TRIM29: variants seen among roughly 807,000 people sequenced by gnomAD.
TRIM29 encodes tripartite motif containing 29.
In TRIM29, 52 loss-of-function variants were observed where a neutral mutation model predicts 57.3. The ratio of observed to expected loss-of-function variants is 0.91; its 90% CI spans 0.73 to 1.14. TRIM29 has a LOEUF of 1.14. Among genes scored for constraint, TRIM29 ranks in the 50% most tolerant of loss-of-function variants. The pLI is 0.00. For missense variants in TRIM29, 753 were observed against 774.6 expected, an observed-to-expected ratio of 0.97 and a Z score of 0.33; for synonymous variants, 319 against 316.9, an observed-to-expected ratio of 1.01 and a Z score of -0.07.
At chr11:120,132,369 G>C (rs1207927454) in intron 1 of TRIM29, among the ~76,000 whole-genome samples, 1 of 151,970 alleles carries the variant, frequency 6.6e-6, no homozygotes, top group African/African-American at 2.4e-5. Flanking sequence ...CCTCCCTCCT[G>C]ACTTCCTACT....
At chr11:120,127,697 C>G in intron 2 of TRIM29, 128 bp from the exon 3 acceptor site, 1 of 804,008 alleles carries the variant, frequency 1.2e-6, no homozygotes, top group South Asian at 1.9e-5. Context: ...ACCTGGCAAG[C>G]CTATTTGGCC....
intron 7 of TRIM29, chr11:120,116,912 C>A: frequency 2.7e-6 from 1 of 367,492 alleles, no homozygotes; most frequent in South Asian, 2.1e-5. Context: ...GTCCCACCTG[C>A]CCCGCTGTGG....
At chr11:120,115,733 A>C in intron 7 of TRIM29, 1 of 293,172 alleles carries the variant, frequency 3.4e-6, no homozygotes, top group Non-Finnish European at 6.4e-6. Flanking sequence ...CCACTCACCC[A>C]CCCCGGAGGT....
intron 7 of TRIM29, chr11:120,115,854 A>G (rs2134982791): frequency 1.1e-5 from 2 of 179,488 alleles, no homozygotes; most frequent in South Asian, 2.3e-4. Flanking sequence ...TGCTGTTTGG[A>G]CGATGCTTCC....
Position 120,123,043 on chromosome 11 carries a change from C to A in TRIM29, c.1346G>T (p.Arg449Leu), listed in dbSNP as rs1324227263. 6.2e-7 allele frequency: 1 copy of A among 1,614,058 alleles called. No individual in the cohort carries two copies. The highest frequency in any genetic ancestry group is 8.5e-7 in the Non-Finnish European group (1 of 1,179,976). ...RNHMENGGDHRYVNNYTNSFG... is the reference protein window; with the variant it reads ...RNHMENGGDHLYVNNYTNSFG... ...GCTGTTCGTGTAGTTGTTCACATAG[C>A]GATGGTCACCACCTAGGAAGCAGAG... Residue 449 changes from arginine to leucine, a missense_variant, in exon 5 of 9, where the codon CGC becomes CTC. Arg to Leu is a moderately radical substitution (Grantham distance 102). Transcript: ENST00000341846.
intron 8 of TRIM29, 78 bp from the exon 9 acceptor site, chr11:120,112,554 G>T: frequency 1.3e-6 from 2 of 1,490,188 alleles, no homozygotes; most frequent in Non-Finnish European, 1.9e-6. Flanking sequence ...ACCCTAACCT[G>T]CCTCAGGAGG....
In TRIM29 at chr11:120,137,339, C is replaced by T. The variant is rs774273938; in HGVS notation, c.693G>A (p.Thr231=). The T allele has an allele frequency of 2.5e-6, 4 of 1,613,950 alleles. No individual in the cohort carries two copies. Among genetic ancestry groups the T allele is most frequent in the African/African-American group, 1.3e-5 (1 of 74,918 alleles). Residue 231 remains threonine (T), a synonymous_variant, in exon 1 of 9, where the codon ACG becomes ACA. Coordinates refer to ENST00000341846, the MANE Select transcript of TRIM29 (RefSeq NM_012101.4). This position sits in a 1 kb window ranked among gnomAD's most constrained non-coding sequence, Gnocchi z 6.2. ...GGTCGGTCTGGCAGAAGAGCTCCAT[C>T]GTCTTGCCATGCACGGGACACTTGC... is the stretch of plus-strand genomic sequence containing the variant. ...EARKCPVHGK[T]MELFCQTDQT... is the part of the protein sequence containing the mutation.
chr11:120,137,867 G>T lies in TRIM29; in HGVS notation c.165C>A (p.Ser55Arg). ...CCCCTGGCTTCAGGGCGCTGCCCAG[G>T]CTCTTGCCCTCAGCTGCCTCCCCGC... is the stretch of plus-strand genomic sequence containing the variant. The part of the protein sequence containing the change: ...GHGGEAAEGK[S>R]LGSALKPGEG... The change falls in exon 1 of 9, where the codon AGC (serine) becomes AGA (arginine). Residue 55 changes from serine to arginine, a missense_variant. Transcript: ENST00000341846. The surrounding 1 kb of genome is among the most constrained non-coding windows in gnomAD (Gnocchi z 6.2). The T allele has an allele frequency of 6.2e-7, 1 of 1,611,524 alleles. No homozygotes were observed.
At chr11:120,121,245 T>C (rs1863437844) in intron 5 of TRIM29, 1 of 231,104 alleles carries the variant, frequency 4.3e-6, no homozygotes, top group East Asian at 1.1e-4. Context: ...CTGTAAGCCT[T>C]TGTGCCTGTG....
chr11:120,129,992 A>G (rs1863685440), intron 1 of TRIM29, among the ~76,000 whole-genome samples: 2 of 152,270 alleles, frequency 1.3e-5, no homozygotes, highest in Middle Eastern at 3.4e-3. Context: ...CCATCTCTGG[A>G]AAAAAGTCTG....
chr11:120,125,252 C>A, intron 4 of TRIM29: 1 of 204,838 alleles, frequency 4.9e-6, no homozygotes, highest in East Asian at 1.2e-4. Flanking sequence ...ACAGGCAAGT[C>A]CTCCCTCCAG....
intron 1 of TRIM29, chr11:120,128,920 G>GT: frequency 7.1e-7 from 1 of 1,401,534 alleles, no homozygotes. Context: ...TCTCGTGGCA[G>GT]TAACAGTGTG....
chr11:120,119,889 G>A (rs1447867485), intron 6 of TRIM29, among the ~76,000 whole-genome samples: 1 of 152,122 alleles, frequency 6.6e-6, no homozygotes. Flanking sequence ...GCATGGCCCT[G>A]CCCTTGAGCA....
At position 120,128,578 on chromosome 11, in the gene TRIM29, G is replaced by A. The variant is rs1422479517; in HGVS notation, c.805-83C>T. 2.0e-6 allele frequency: 3 copies of A among 1,520,428 alleles called. No individual in the cohort carries two copies. The African/African-American group carries it at 4.1e-5, about 21-fold the overall frequency. 94.2% of individuals were successfully genotyped at this position (1,520,428 alleles called of 1,614,324 possible). On this transcript the variant is annotated intron_variant, in intron 1 of 8. Coordinates refer to ENST00000341846, the MANE Select transcript of TRIM29 (RefSeq NM_012101.4). Reference sequence around the variant, plus strand: ...AGAACCAGGGAGCGGCTCCACTCAGGGGGCACACTCGCAGCCAGGGCTCAT... The same window carrying A: ...AGAACCAGGGAGCGGCTCCACTCAGAGGGCACACTCGCAGCCAGGGCTCAT...
At chr11:120,123,079 G>C in intron 4 of TRIM29, 24 bp from the exon 5 acceptor site, 1 of 1,609,628 alleles carries the variant, frequency 6.2e-7, no homozygotes, top group Non-Finnish European at 8.5e-7. Flanking sequence ...GGTCGGGTCA[G>C]CAGAGGAGCC....
rs369006616 is a variant in TRIM29 at position 120,137,894 on chromosome 11, G to A, written c.138C>T (p.His46=). ...DGKDAKTTNG[H]GGEAAEGKSL... is the part of the protein sequence containing the mutation. ...TCTTGCCCTCAGCTGCCTCCCCGCC[G>A]TGCCCGTTGGTGGTCTTGGCATCCT... The change falls in exon 1 of 9, where the codon CAC becomes CAT. Residue 46 remains histidine, a synonymous_variant. Coordinates refer to ENST00000341846, the MANE Select transcript of TRIM29 (RefSeq NM_012101.4). This position sits in a 1 kb window ranked among gnomAD's most constrained non-coding sequence, Gnocchi z 6.2. 5.0e-5 allele frequency: 80 copies of A among 1,610,838 alleles called. No homozygotes were observed. The highest frequency in any genetic ancestry group is 1.8e-4 in the East Asian group (8 of 44,872).
intron 5 of TRIM29, among the ~76,000 whole-genome samples, chr11:120,122,296 G>A (rs1164654472): frequency 2.0e-5 from 3 of 152,116 alleles, no homozygotes; most frequent in African/African-American, 7.2e-5. Context: ...ATGGTCCGAG[G>A]GCTGGCACAC....
chr11:120,118,193 G>GA, intron 7 of TRIM29, 30 bp downstream of exon 7: 2 of 1,597,722 alleles, frequency 1.3e-6, no homozygotes, highest in Non-Finnish European at 1.7e-6. Flanking sequence ...AGCTGTGGAG[G>GA]AAAGCAGGGG....
chr11:120,136,490 C>T (rs1354393545), intron 1 of TRIM29, among the ~76,000 whole-genome samples: 1 of 152,236 alleles, frequency 6.6e-6, no homozygotes, highest in African/African-American at 2.4e-5. Flanking sequence ...CACACACAAA[C>T]TCCAAACTTC....
Sources: gnomAD v4.1 joint callset for allele counts (sites outside exome capture counted in the v4.1 genomes callset) on GRCh38, gnomAD v4.1.1 for gene constraint, Gnocchi (gnomAD v3.1) non-coding constraint, MANE v1.5 for transcripts, NCBI Gene and HGNC (gene_info 2026-07-23, HGNC 2026-07-21) for gene names.